TOGARAM1: variants seen among roughly 807,000 people sequenced by gnomAD.
TOGARAM1 encodes the protein TOG array regulator of axonemal microtubules 1, also known as TOG array regulator of axonemal microtubules protein 1.
Under a neutral mutation model 166.6 loss-of-function variants are expected in TOGARAM1, and 100 were observed. That is an observed-to-expected ratio of 0.60 (90% CI 0.51 to 0.71). The LOEUF is 0.71. Ranked by LOEUF, TOGARAM1 falls within the 30% of genes least tolerant of loss-of-function variation. The pLI, the probability that TOGARAM1 is intolerant of heterozygous loss-of-function variation, is 0.00. For missense variants in TOGARAM1, 2,029 were observed against 2,102.7 expected (o/e 0.96, Z 0.69); for synonymous variants, 758 against 763.8 (o/e 0.99, Z 0.13).
intron 16 of TOGARAM1, among the ~76,000 whole-genome samples, 170 bp downstream of exon 16, chr14:45,054,719 T>C (rs953181604): frequency 4.6e-5 from 7 of 152,228 alleles, no homozygotes; most frequent in African/African-American, 1.7e-4. Context: ...AAGGCAATTA[T>C]ATATTTACAG....
Position 44,963,791 on chromosome 14 carries a change from A to G in TOGARAM1, c.1370A>G (p.Lys457Arg), listed in dbSNP as rs1423992066. Residue 457 changes from lysine to arginine, a missense_variant, in exon 1 of 20, where the codon AAA becomes AGA. Lys to Arg is a conservative substitution (Grantham distance 26, BLOSUM62 2). Coordinates refer to ENST00000361462, the MANE Select transcript of TOGARAM1 (RefSeq NM_001308120.2). Reference protein sequence around the residue: ...NKLVIKQEYMKIFLKLMKEVG... With the variant: ...NKLVIKQEYMRIFLKLMKEVG... ...TTGGTGATCAAACAAGAATACATGA[A>G]AATCTTCCTCAAGCTAATGAAGGAA... 24 of 1,613,990 alleles carry G rather than the reference A, an allele frequency of 1.5e-5. No individual in the cohort carries two copies. The highest frequency in any genetic ancestry group is 1.9e-5 in the Non-Finnish European group (22 of 1,179,972).
At chr14:45,060,367 C>T (rs967290153) in intron 16 of TOGARAM1, among the ~76,000 whole-genome samples, 6 of 152,040 alleles carry the variant, frequency 3.9e-5, no homozygotes, top group Admixed American at 2.0e-4. Flanking sequence ...AGGCGTGTGC[C>T]ACCACACCCC....
intron 10 of TOGARAM1, among the ~76,000 whole-genome samples, chr14:45,031,240 C>A (rs541839831): frequency 3.9e-5 from 6 of 152,126 alleles, no homozygotes; most frequent in Non-Finnish European, 8.8e-5. Flanking sequence ...AAATCTTTAC[C>A]TACTTATAAA....
At chr14:45,011,015 ATCTAT>A (rs1356019507) in intron 6 of TOGARAM1, among the ~76,000 whole-genome samples, 8 of 152,218 alleles carry the variant, frequency 5.3e-5, no homozygotes, top group Non-Finnish European at 1.2e-4. Context: ...TCTTTGTAAA[ATCTAT>A]TCTTTTTAAT....
intron 11 of TOGARAM1, among the ~76,000 whole-genome samples, chr14:45,033,125 C>G (rs2138922432): frequency 6.6e-6 from 1 of 152,052 alleles, no homozygotes; most frequent in African/African-American, 2.4e-5. Context: ...TGGTGGCAGG[C>G]ACCTGCAGTC....
intron 1 of TOGARAM1, among the ~76,000 whole-genome samples, chr14:44,979,066 A>G (rs1335294599): frequency 6.6e-6 from 1 of 151,952 alleles, no homozygotes; most frequent in African/African-American, 2.4e-5. Flanking sequence ...GAATTTTGAT[A>G]TAACAATTAG....
chr14:45,038,981 A>T (rs558714027), intron 11 of TOGARAM1, among the ~76,000 whole-genome samples: 1 of 152,226 alleles, frequency 6.6e-6, no homozygotes, highest in East Asian at 1.9e-4. Flanking sequence ...AGTGGAGGGG[A>T]GACCCAGAGT....
intron 7 of TOGARAM1, among the ~76,000 whole-genome samples, chr14:45,015,598 A>G (rs1880083378): frequency 6.7e-6 from 1 of 150,140 alleles, no homozygotes; most frequent in Non-Finnish European, 1.5e-5. Flanking sequence ...TTTTTAAATT[A>G]CGGATATAAT....
chr14:44,983,793 T>C (rs1273219017), intron 1 of TOGARAM1, among the ~76,000 whole-genome samples: 1 of 152,242 alleles, frequency 6.6e-6, no homozygotes, highest in African/African-American at 2.4e-5. Context: ...AATTATATTG[T>C]GATGCATGAA....
intron 7 of TOGARAM1, among the ~76,000 whole-genome samples, chr14:45,025,063 A>C (rs1440161774): frequency 6.6e-6 from 1 of 152,246 alleles, no homozygotes; most frequent in African/African-American, 2.4e-5. Flanking sequence ...ATCCCCATGG[A>C]ACTTACAGTC....
chr14:45,047,621 T>C (rs1882140132), intron 14 of TOGARAM1, among the ~76,000 whole-genome samples: 1 of 152,172 alleles, frequency 6.6e-6, no homozygotes, highest in African/African-American at 2.4e-5. Flanking sequence ...CAGATGCTTA[T>C]GTTAAATTTC....
chr14:44,983,622 G>C (rs1886644103), intron 1 of TOGARAM1, among the ~76,000 whole-genome samples: 1 of 152,140 alleles, frequency 6.6e-6, no homozygotes, highest in Admixed American at 6.5e-5. Flanking sequence ...GAGATTTTAA[G>C]AATGTGGGAT....
intron 13 of TOGARAM1, 89 bp downstream of exon 13, chr14:45,044,959 T>C (rs771175706): frequency 2.0e-5 from 18 of 891,414 alleles, no homozygotes; most frequent in Non-Finnish European, 1.3e-5. Context: ...CAAATCTTAG[T>C]AGTATATCAG....
chr14:44,987,573 T>C (rs1886897982), intron 1 of TOGARAM1, among the ~76,000 whole-genome samples: 6 of 151,556 alleles, frequency 4.0e-5, no homozygotes, highest in Admixed American at 3.9e-4. Flanking sequence ...TCACACCAGT[T>C]AGAATGGCAA....
chr14:45,012,210 A>T, intron 7 of TOGARAM1, 135 bp downstream of exon 7: 1 of 541,404 alleles, frequency 1.8e-6, no homozygotes, highest in Non-Finnish European at 3.2e-6. Context: ...TACTCCTTAA[A>T]AGGTCCTTTT....
At position 45,042,442 on chromosome 14, in the gene TOGARAM1, AAC is replaced by A. The variant is rs375683464; in HGVS notation, c.3813-1228_3813-1227del. On this transcript the variant is annotated intron_variant, in intron 11 of 19. Transcript: ENST00000361462. ...TGCATCAAGAAGATGTATCAGTCCT[AAC>A]ACACACACACACACATACACATACA... 9.2e-4 allele frequency: 139 copies of A among 150,730 alleles called. 1 individual carries two copies. Among genetic ancestry groups the A allele is most frequent in the Non-Finnish European group, 9.8e-4 (66 of 67,548 alleles). 9.3% of individuals were successfully genotyped at this position (150,730 alleles called of 1,614,324 possible).
intron 1 of TOGARAM1, chr14:44,995,459 A>G (rs1447286621): frequency 1.1e-5 from 5 of 475,066 alleles, no homozygotes; most frequent in Non-Finnish European, 2.1e-5. Flanking sequence ...TGTTTTTGTC[A>G]TTTGTATTCT....
chr14:45,016,666 G>A (rs559867000), intron 7 of TOGARAM1, among the ~76,000 whole-genome samples: 4 of 152,146 alleles, frequency 2.6e-5, no homozygotes, highest in South Asian at 4.1e-4. Flanking sequence ...TGAAATGCTG[G>A]GATTACAGAT....
intron 6 of TOGARAM1, 67 bp from the exon 7 acceptor site, chr14:45,011,908 T>A: frequency 9.3e-7 from 1 of 1,073,152 alleles, no homozygotes; most frequent in Non-Finnish European, 1.4e-6. Flanking sequence ...GAATAGACAA[T>A]ATGTGATGTG....
Sources: gnomAD v4.1 joint callset for allele counts (sites outside exome capture counted in the v4.1 genomes callset) on GRCh38, gnomAD v4.1.1 for gene constraint, MANE v1.5 for transcripts, NCBI Gene and HGNC (gene_info 2026-07-23, HGNC 2026-07-21) for gene names.